The following MTAP variants were observed in gnomAD, a reference collection of about 807,000 sequenced individuals.
The protein encoded by MTAP is methylthioadenosine phosphorylase.
In MTAP, 33 loss-of-function variants were observed where a neutral mutation model predicts 33.6. The ratio of observed to expected loss-of-function variants is 0.98; its 90% confidence interval spans 0.74 to 1.31. The LOEUF is 1.31. Ranked by LOEUF, MTAP falls within the 40% of genes most tolerant of loss-of-function variation. The pLI is 0.00. For missense variants in MTAP, 367 were observed against 360.0 expected, an observed-to-expected ratio of 1.02 and a Z score of -0.16; for synonymous variants, 148 against 125.7, an observed-to-expected ratio of 1.18 and a Z score of -1.19.
chr9:21,818,675 A>G (rs4615669), intron 4 of MTAP, among the ~76,000 whole-genome samples: 54,742 of 152,078 alleles, frequency 0.36, 10,781 homozygotes, highest in East Asian at 0.45. Context: ...TAATTGACAA[A>G]TGATAAATGT....
chr9:21,834,081 T>G (rs1298339407), intron 4 of MTAP, among the ~76,000 whole-genome samples: 3 of 152,196 alleles, frequency 2.0e-5, no homozygotes, highest in Non-Finnish European at 2.9e-5. Flanking sequence ...TACCCTTGAT[T>G]TGAGGCCCAT....
downstream of MTAP, among the ~76,000 whole-genome samples, chr9:21,870,736 T>C (rs1825922873): frequency 6.6e-6 from 1 of 151,802 alleles, no homozygotes; most frequent in South Asian, 2.1e-4. Context: ...TCAGATATTT[T>C]ATACTAACAG....
chr9:21,845,163 T>C (rs1298005329), intron 5 of MTAP, among the ~76,000 whole-genome samples: 2 of 151,924 alleles, frequency 1.3e-5, no homozygotes, highest in Non-Finnish European at 2.9e-5. Context: ...TTCAACATAA[T>C]ACAGGATGTC....
chr9:21,857,245 A>G (rs7047648), intron 6 of MTAP, among the ~76,000 whole-genome samples: 71,547 of 152,034 alleles, frequency 0.47, 17,605 homozygotes, highest in East Asian at 0.57. Flanking sequence ...ATATATAAGG[A>G]AATGAGTAAA....
chr9:21,860,043 T>A (rs1357078475), intron 7 of MTAP: 1 of 152,214 alleles, frequency 6.6e-6, no homozygotes, highest in Non-Finnish European at 1.5e-5. Flanking sequence ...ATTCTCCTAC[T>A]ATCCAAAGAG....
chr9:21,886,048 A>C (rs894411380), intron 1 of MTAP, among the ~76,000 whole-genome samples: 6 of 151,700 alleles, frequency 4.0e-5, no homozygotes, highest in Non-Finnish European at 8.8e-5. Context: ...ACTGTTTTCC[A>C]CAGTGGTTGT....
At chr9:21,854,972 T>G (rs551847676) in intron 6 of MTAP, 102 bp downstream of exon 6, 1 of 1,454,422 alleles carries the variant, frequency 6.9e-7, no homozygotes, top group African/African-American at 1.4e-5. Context: ...GAAAGTGCCT[T>G]TCTACAAGGT....
In MTAP at chr9:21,906,859, G is replaced by T. The variant is rs562120801; in HGVS notation, c.148-24149G>T. ...GAATATAGAGTAAAACATGCCCTTT[G>T]ATTTTAAAAATAAATGCTTTTTGCC... On this transcript the variant is annotated intron_variant, in intron 1 of 1. Coordinates refer to the MTAP transcript ENST00000577563. 5.3e-5 allele frequency among the ~76,000 whole-genome samples: 8 copies of T among 152,242 alleles called. No homozygotes were observed. In the East Asian group the frequency reaches 1.5e-3, roughly 29 times the overall value.
chr9:21,927,787 A>T (rs1587303621), intron 1 of MTAP, among the ~76,000 whole-genome samples: 1 of 152,196 alleles, frequency 6.6e-6, no homozygotes, highest in Admixed American at 6.5e-5. Flanking sequence ...GAATAACCAC[A>T]TATACAGATT....
chr9:21,824,328 C>T (rs1239656218), intron 4 of MTAP, among the ~76,000 whole-genome samples: 1 of 152,194 alleles, frequency 6.6e-6, no homozygotes, highest in Non-Finnish European at 1.5e-5. Context: ...ACAGTCAGGA[C>T]CCTCAGCTGC....
At chr9:21,803,384 A>G (rs1824118354) in intron 1 of MTAP, 1 of 156,470 alleles carries the variant, frequency 6.4e-6, no homozygotes, top group Non-Finnish European at 1.4e-5. Context: ...GTAATACTGT[A>G]AGAATTCTGA....
chr9:21,861,505 A>G (rs1399946005), intron 7 of MTAP: 1 of 155,644 alleles, frequency 6.4e-6, no homozygotes, highest in African/African-American at 2.4e-5. Flanking sequence ...AATGTGTATC[A>G]TTCATTCCCT....
chr9:21,817,458 T>A (rs1824511277), intron 3 of MTAP, among the ~76,000 whole-genome samples: 1 of 151,976 alleles, frequency 6.6e-6, no homozygotes, highest in South Asian at 2.1e-4. Context: ...AGGTCCTTGT[T>A]CAAGCTCGTG....
In MTAP at chr9:21,922,183, T is replaced by G. The variant is rs566678698; in HGVS notation, c.148-8825T>G. On this transcript the variant is annotated intron_variant, in intron 1 of 1. Transcript: ENST00000577563. The surrounding 1 kb of genome is among the most constrained non-coding windows in gnomAD (Gnocchi z 4.8). ...TATGACCAGTTCCTCTAGGAACACT[T>G]GACTGGCAAGGGAAAAACGCCTCAA... 6.6e-6 allele frequency among the ~76,000 whole-genome samples: 1 copy of G among 152,008 alleles called. No individual in the cohort carries two copies. Among genetic ancestry groups the G allele is most frequent in the Admixed American group, 6.6e-5 (1 of 15,252 alleles).
At position 21,866,683 on chromosome 9, in the gene MTAP, A is replaced by G. The variant is rs1825858612; in HGVS notation, c.*4669A>G. ...GAAATTAAGTATTGTTAAGCTTTGC[A>G]ATCTTTTCCAAGATTGTTTTGGCTA... On this transcript the variant is annotated 3_prime_UTR_variant, in exon 8 of 8. Coordinates refer to ENST00000644715, the MANE Select transcript of MTAP (RefSeq NM_002451.4). 6.6e-6 allele frequency: 1 copy of G among 152,140 alleles called. No individual in the cohort carries two copies. Among genetic ancestry groups the G allele is most frequent in the Non-Finnish European group, 1.5e-5 (1 of 68,006 alleles). The allele number at this position is 152,140 out of a possible 1,614,324, so 9.4% of individuals were successfully genotyped here. A position where few individuals can be genotyped will look rare whatever the true frequency, so the allele number is the denominator to read the frequency against.
chr9:21,872,518 G>A (rs866308061), intron 1 of MTAP, among the ~76,000 whole-genome samples: 23 of 152,062 alleles, frequency 1.5e-4, no homozygotes, highest in African/African-American at 5.1e-4. Context: ...ATGTCCATCT[G>A]TCTACAGATA....
Position 21,863,063 on chromosome 9 carries a change from T to C in MTAP, c.*1049T>C. The C allele has an allele frequency of 1.0e-6, 1 of 985,420 alleles. No homozygotes were observed. 61.0% of individuals were successfully genotyped at this position (985,420 alleles called of 1,614,324 possible). On this transcript the variant is annotated 3_prime_UTR_variant, in exon 8 of 8. Coordinates refer to ENST00000644715, the MANE Select transcript of MTAP (RefSeq NM_002451.4). ...TTCTGCTAAAGAAGAGGATCATTGA[T>C]TTCTGTACAGTCAGAACAGTACTTG...
chr9:21,897,672 A>C (rs540795419), intron 1 of MTAP, among the ~76,000 whole-genome samples: 12 of 152,342 alleles, frequency 7.9e-5, no homozygotes, highest in Middle Eastern at 3.4e-3. Flanking sequence ...TCCAGCTTAC[A>C]AGGGATGTGA....
intron 1 of MTAP, among the ~76,000 whole-genome samples, chr9:21,900,631 A>G (rs947480753): frequency 9.2e-5 from 14 of 152,218 alleles, no homozygotes; most frequent in African/African-American, 3.4e-4. Flanking sequence ...ATTTAAAAAC[A>G]AAACTACCAT....
Sources: allele counts gnomAD v4.1 joint callset (sites outside exome capture counted in the v4.1 genomes callset), GRCh38; gene constraint gnomAD v4.1.1; non-coding constraint Gnocchi (gnomAD v3.1); transcripts MANE v1.5; gene names NCBI Gene and HGNC (gene_info 2026-07-23, HGNC 2026-07-21).